The following CPAMD8 variants were observed in gnomAD, a reference collection of about 807,000 sequenced individuals.
The protein encoded by CPAMD8 is C3 and PZP-like alpha-2-macroglobulin domain-containing protein 8.
CPAMD8 carries 146 observed loss-of-function variants against 224.7 expected under a neutral mutation model. The ratio of observed to expected loss-of-function variants is 0.65; its 90% CI spans 0.57 to 0.75. The LOEUF (loss-of-function observed/expected upper bound fraction) is 0.75. CPAMD8 is among the 30% of genes least tolerant of loss of function. CPAMD8 has a pLI of 0.00. For missense variants in CPAMD8, 2,301 were observed against 2,537.5 expected (o/e 0.91, Z 2.00); for synonymous variants, 966 against 1,044.6 (o/e 0.92, Z 1.45).
intron 29 of CPAMD8, chr19:16,910,397 C>G (rs2052680736): frequency 1.3e-5 from 2 of 151,546 alleles, no homozygotes; most frequent in African/African-American, 4.9e-5. Context: ...CTCGAACTCC[C>G]AACCTCAGGT....
chr19:17,001,771 G>A (rs1453245294), intron 9 of CPAMD8, among the ~76,000 whole-genome samples: 4 of 151,614 alleles, frequency 2.6e-5, no homozygotes, highest in African/African-American at 4.9e-5. Context: ...GGGGAAGCCC[G>A]GTTGTTGGGG....
chr19:16,916,543 C>T (rs1434990170), intron 27 of CPAMD8, among the ~76,000 whole-genome samples: 1 of 152,008 alleles, frequency 6.6e-6, no homozygotes, highest in African/African-American at 2.4e-5. Context: ...TCAAGACCAG[C>T]CTGACTGACA....
chr19:16,907,163 C>A, intron 29 of CPAMD8, 46 bp from the exon 30 acceptor site: 1 of 1,448,892 alleles, frequency 6.9e-7, no homozygotes, highest in East Asian at 2.5e-5. Context: ...CTGCTCTGCC[C>A]CCATCCCACC....
At chr19:16,979,206 C>T (rs116845443) in intron 14 of CPAMD8, among the ~76,000 whole-genome samples, 6,747 of 150,936 alleles carry the variant, frequency 0.045, 213 homozygotes, top group Middle Eastern at 0.08. Flanking sequence ...AGTCATCATC[C>T]GCCCACCCAC....
chr19:16,951,319 C>T (rs971411812), intron 20 of CPAMD8, among the ~76,000 whole-genome samples: 3 of 151,914 alleles, frequency 2.0e-5, no homozygotes, highest in African/African-American at 4.8e-5. Flanking sequence ...TCTTTTGGGC[C>T]CACAAGCTAA....
chr19:17,019,385 A>G (rs1372328563), intron 3 of CPAMD8, among the ~76,000 whole-genome samples: 1 of 152,114 alleles, frequency 6.6e-6, no homozygotes, highest in East Asian at 1.9e-4. Flanking sequence ...GGCCTCCCAG[A>G]GTGCTAGGAT....
In CPAMD8 at chr19:17,026,796, G is replaced by C. The variant is rs12974936; in HGVS notation, c.-154C>G. On this transcript the variant is annotated 5_prime_UTR_variant, in exon 1 of 42. Transcript: ENST00000443236. The stretch of plus-strand genomic sequence containing the variant: ...CGCCCGGCGCCATGCGCCCCGCTCC[G>C]CGCCCGGCCAAGCTGGGGCAGCCCC... 3 of 1,091,078 alleles carry C rather than the reference G, an allele frequency of 2.7e-6. No individual in the cohort carries two copies. The allele number at this position is 1,091,078 out of a possible 1,614,324, so 67.6% of individuals were successfully genotyped here.
chr19:17,019,613 T>TG (rs963427564), intron 3 of CPAMD8, among the ~76,000 whole-genome samples: 91 of 152,170 alleles, frequency 6.0e-4, no homozygotes, highest in African/African-American at 2.1e-3. Flanking sequence ...TGGAGTGCAG[T>TG]GGTGCGATCA....
At chr19:16,994,297 G>C (rs1880203463) in intron 11 of CPAMD8, among the ~76,000 whole-genome samples, 1 of 152,180 alleles carries the variant, frequency 6.6e-6, no homozygotes, top group African/African-American at 2.4e-5. Context: ...CTAGTCATTA[G>C]TCTGATGCCA....
intron 22 of CPAMD8, among the ~76,000 whole-genome samples, chr19:16,941,576 A>G (rs930143663): frequency 6.6e-5 from 10 of 152,174 alleles, no homozygotes; most frequent in Non-Finnish European, 1.2e-4. Flanking sequence ...GTAATCCTCA[A>G]TGTTGGAAGA....
Position 16,921,931 on chromosome 19 carries a change from C to G in CPAMD8, c.3603G>C (p.Gly1201=). The part of the protein sequence containing the change: ...KRQDGSYSAF[G]ERDASGSMWL... Reference sequence around the variant, plus strand: ...ACATGCTCCCCGATGCGTCCCGCTCCCCAAACGCGCTGTAGGAGCCATCCT... The same window carrying G: ...ACATGCTCCCCGATGCGTCCCGCTCGCCAAACGCGCTGTAGGAGCCATCCT... The change falls in exon 27 of 42, where the codon GGG becomes GGC. Residue 1201 remains glycine (G), a synonymous_variant. Transcript: ENST00000443236. 6.5e-7 allele frequency: 1 copy of G among 1,546,854 alleles called. No individual in the cohort carries two copies.
chr19:16,909,668 C>T (rs182731981), intron 29 of CPAMD8, among the ~76,000 whole-genome samples: 12 of 151,494 alleles, frequency 7.9e-5, no homozygotes, highest in African/African-American at 2.2e-4. Context: ...TCCTTGAACC[C>T]GGGAGGCAGA....
At chr19:16,979,503 TTTTGGTCCATCC>T (rs2055424939) in intron 14 of CPAMD8, among the ~76,000 whole-genome samples, 1 of 123,966 alleles carries the variant, frequency 8.1e-6, no homozygotes, top group Admixed American at 7.8e-5. Context: ...TCCATCCATC[TTTTGGTCCATCC>T]ATCCATCCAT....
chr19:16,931,294 G>T (rs1046674056), intron 23 of CPAMD8, among the ~76,000 whole-genome samples: 1 of 152,166 alleles, frequency 6.6e-6, no homozygotes, highest in Non-Finnish European at 1.5e-5. Context: ...CCATCCAAGG[G>T]CCTTGAGACT....
chr19:16,999,208 A>C (rs1441692765), intron 10 of CPAMD8, among the ~76,000 whole-genome samples: 3 of 152,150 alleles, frequency 2.0e-5, no homozygotes, highest in Admixed American at 6.6e-5. Flanking sequence ...AAGGACATGA[A>C]GGATGTATGG....
rs138953313 is a variant in CPAMD8 at position 17,025,176 on chromosome 19, G to T, written c.92+1375C>A. On this transcript the variant is annotated intron_variant, in intron 1 of 41. Coordinates refer to ENST00000443236, the MANE Select transcript of CPAMD8 (RefSeq NM_015692.5). ...CTCTAATCCCAGCACTTTGGGAGGC[G>T]GAGGTGGGTGGATCACCTGAGGTCA... Among the ~76,000 whole-genome samples, 1,055 of 152,228 alleles carry T rather than the reference G, an allele frequency of 6.9e-3. 10 individuals carry two copies. The highest frequency in any genetic ancestry group is 0.014 in the Middle Eastern group (4 of 294).
At chr19:16,934,787 T>C (rs139514668) in intron 23 of CPAMD8, among the ~76,000 whole-genome samples, 100 of 152,322 alleles carry the variant, frequency 6.6e-4, no homozygotes, top group Admixed American at 1.5e-3. Flanking sequence ...CATTTTACAA[T>C]GTTTTAATTG....
chr19:16,994,515 CT>C (rs71180347), intron 11 of CPAMD8, among the ~76,000 whole-genome samples: 1,237 of 105,238 alleles, frequency 0.012, 4 homozygotes, highest in African/African-American at 0.042. Flanking sequence ...TAACCACTCC[CT>C]TTTTTTTTTT....
intron 29 of CPAMD8, among the ~76,000 whole-genome samples, chr19:16,908,631 G>A (rs2052611545): frequency 6.6e-6 from 1 of 152,198 alleles, no homozygotes; most frequent in Admixed American, 6.5e-5. Flanking sequence ...GAGTCTTCTG[G>A]TGGCCCAATA....
Sources: gnomAD v4.1 joint callset for allele counts (sites outside exome capture counted in the v4.1 genomes callset) on GRCh38, gnomAD v4.1.1 for gene constraint, MANE v1.5 for transcripts, NCBI Gene and HGNC (gene_info 2026-07-23, HGNC 2026-07-21) for gene names.